Variants in CHRDL2 observed in about 807,000 individuals in gnomAD.
CHRDL2 encodes chordin like 2.
In CHRDL2, 41 loss-of-function variants were observed where a neutral mutation model predicts 54.3. That is an observed-to-expected ratio of 0.76 (90% CI 0.59 to 0.98). The LOEUF is 0.98. CHRDL2 is among the 50% of genes least tolerant of loss of function. The pLI is 0.00. For synonymous variants in CHRDL2, 220 were observed against 224.3 expected (o/e 0.98, Z 0.17); for missense variants, 518 against 562.4 (o/e 0.92, Z 0.80).
At position 74,710,915 on chromosome 11, in the gene CHRDL2, C is replaced by T. The variant is rs1359897624; in HGVS notation, c.366G>A (p.Glu122=). 1 of 1,614,172 alleles carries T rather than the reference C, an allele frequency of 6.2e-7. No homozygotes were observed. Among genetic ancestry groups the T allele is most frequent in the Admixed American group, 1.7e-5 (1 of 60,024 alleles). ...QHNGTMYQHG[E]IFSAHELFPS... is the part of the protein sequence containing the mutation. Reference sequence around the variant, plus strand: ...GGAACAGCTCATGGGCACTGAAGATCTCTCCGTGTTGGTACATGGTCCCGT... The same window carrying T: ...GGAACAGCTCATGGGCACTGAAGATTTCTCCGTGTTGGTACATGGTCCCGT... Residue 122 remains glutamate, a synonymous_variant, in exon 4 of 11, where the codon GAG becomes GAA. Transcript: ENST00000376332.
Position 74,708,370 on chromosome 11 carries a change from G to A in CHRDL2, c.458C>T (p.Thr153Ile). 3 of 1,588,220 alleles carry A rather than the reference G, an allele frequency of 1.9e-6. No individual in the cohort carries two copies. The highest frequency in any genetic ancestry group is 2.6e-6 in the Non-Finnish European group (3 of 1,169,892). ...CTEGQIYCGL[T>I]TCPEPGCPAP... is the part of the protein sequence containing the mutation. Reference sequence around the variant, plus strand: ...TGGGCAGCCTGGTTCGGGGCAGGTTGTGAGGCCGCAGTAGATCTGGCCCTC... The same window carrying A: ...TGGGCAGCCTGGTTCGGGGCAGGTTATGAGGCCGCAGTAGATCTGGCCCTC... Residue 153 changes from threonine to isoleucine, a missense_variant, in exon 5 of 11, where the codon ACA becomes ATA. By Grantham distance (89) the Thr-to-Ile change is moderately conservative. Coordinates refer to ENST00000376332, the MANE Select transcript of CHRDL2 (RefSeq NM_001278473.3).
At chr11:74,701,658 G>A in intron 9 of CHRDL2, 1 of 712,698 alleles carries the variant, frequency 1.4e-6, no homozygotes, top group Non-Finnish European at 2.6e-6. Flanking sequence ...TGTAAAATGG[G>A]GATAATAATA....
intron 9 of CHRDL2, chr11:74,698,717 A>AC (rs1253248777): frequency 2.2e-5 from 3 of 133,598 alleles, no homozygotes; most frequent in Non-Finnish European, 3.4e-5. Flanking sequence ...ACACACACAC[A>AC]CACACCCCAC....
chr11:74,715,039 A>G (rs1324573107), intron 2 of CHRDL2, among the ~76,000 whole-genome samples: 1 of 152,178 alleles, frequency 6.6e-6, no homozygotes, highest in Admixed American at 6.5e-5. Flanking sequence ...TAGATACTAT[A>G]CTATTAGTCA....
At chr11:74,726,313 C>T (rs890965073) in intron 1 of CHRDL2, among the ~76,000 whole-genome samples, 2 of 152,198 alleles carry the variant, frequency 1.3e-5, no homozygotes, top group Admixed American at 1.3e-4. Flanking sequence ...AGAGAGAGAT[C>T]AGGACTTGAC....
intron 2 of CHRDL2, among the ~76,000 whole-genome samples, 157 bp from the exon 3 acceptor site, chr11:74,713,636 A>T (rs1173154233): frequency 1.3e-5 from 2 of 152,116 alleles, no homozygotes; most frequent in African/African-American, 4.8e-5. Context: ...GTTCCTCCCC[A>T]TTCCTGCCCA....
intron 1 of CHRDL2, chr11:74,719,416 ACACACACG>A (rs901237094): frequency 7.1e-6 from 1 of 141,772 alleles, no homozygotes; most frequent in Non-Finnish European, 1.5e-5. Context: ...ACACACACAC[ACACACACG>A]TGTACACATT....
intron 1 of CHRDL2, among the ~76,000 whole-genome samples, chr11:74,726,828 C>T (rs1422931114): frequency 6.6e-6 from 1 of 152,200 alleles, no homozygotes; most frequent in East Asian, 1.9e-4. Flanking sequence ...AGCCGGACTT[C>T]AGGCCTTCAC....
intron 2 of CHRDL2, among the ~76,000 whole-genome samples, chr11:74,715,575 C>G (rs1163285626): frequency 6.6e-6 from 1 of 150,696 alleles, no homozygotes; most frequent in African/African-American, 2.4e-5. Flanking sequence ...GGCACTCCAG[C>G]CTGGGCGACA....
intron 2 of CHRDL2, among the ~76,000 whole-genome samples, chr11:74,715,429 C>T (rs1219545119): frequency 1.3e-5 from 2 of 151,024 alleles, no homozygotes; most frequent in African/African-American, 2.4e-5. Flanking sequence ...CATGGCAAAA[C>T]CCCGTCTCTA....
chr11:74,716,636 C>G (rs749805069), intron 2 of CHRDL2, among the ~76,000 whole-genome samples: 1 of 150,224 alleles, frequency 6.7e-6, no homozygotes, highest in Non-Finnish European at 1.5e-5. Context: ...ACTTTAGGTC[C>G]AATGAAAAGC....
chr11:74,701,563 A>G (rs549565926), intron 9 of CHRDL2: 7 of 715,974 alleles, frequency 9.8e-6, no homozygotes, highest in South Asian at 8.9e-5. Flanking sequence ...GCCACAAGAC[A>G]TGGGCTCTAG....
At chr11:74,727,575 CTTTAT>C (rs2034591465) in intron 1 of CHRDL2, among the ~76,000 whole-genome samples, 1 of 151,986 alleles carries the variant, frequency 6.6e-6, no homozygotes, top group African/African-American at 2.4e-5. Context: ...AGGCTAATTT[CTTTAT>C]TTTTTCTAGA....
Position 74,696,560 on chromosome 11 carries a change from C to G in CHRDL2, c.1239G>C (p.Gln413His). 6.2e-7 allele frequency: 1 copy of G among 1,614,036 alleles called. No homozygotes were observed. The highest frequency in any genetic ancestry group is 8.5e-7 in the Non-Finnish European group (1 of 1,180,002). The change falls in exon 11 of 11, where the codon CAG becomes CAC. Residue 413 changes from glutamine (Q) to histidine (H), a missense_variant. Gln to His is a conservative substitution (Grantham distance 24). Coordinates refer to ENST00000376332, the MANE Select transcript of CHRDL2 (RefSeq NM_001278473.3). ...HEGHWNVFLAQTLELKVTASP... is the reference protein window; with the variant it reads ...HEGHWNVFLAHTLELKVTASP... ...TGGCCGTGACCTTCAGCTCCAGGGTCTGGGCTAGGAAGACGTTCCAGTGAC... is the reference window on the plus strand; with the variant it reads ...TGGCCGTGACCTTCAGCTCCAGGGTGTGGGCTAGGAAGACGTTCCAGTGAC...
intron 1 of CHRDL2, among the ~76,000 whole-genome samples, chr11:74,723,219 A>G (rs1480114315): frequency 6.6e-6 from 1 of 152,194 alleles, no homozygotes; most frequent in Non-Finnish European, 1.5e-5. Context: ...TGGGTGGAGA[A>G]GGCAAAGGAG....
chr11:74,725,660 C>T (rs2034562153), intron 1 of CHRDL2, among the ~76,000 whole-genome samples: 1 of 152,086 alleles, frequency 6.6e-6, no homozygotes. Flanking sequence ...AGAATTCTTC[C>T]CCAATAGGAA....
rs776337781 is a variant in CHRDL2 at position 74,708,404 on chromosome 11, T to C, written c.433-9A>G. 3.2e-5 allele frequency: 50 copies of C among 1,559,428 alleles called. No individual in the cohort carries two copies. The highest frequency in any genetic ancestry group is 3.9e-5 in the Non-Finnish European group (45 of 1,155,248). ...CAGTAGATCTGGCCCTCCTGACAGA[T>C]AGAGCAAACCAGCTGGGAAATGAGC... On this transcript the variant is annotated splice_polypyrimidine_tract_variant and intron_variant, in intron 4 of 10. Coordinates refer to ENST00000376332, the MANE Select transcript of CHRDL2 (RefSeq NM_001278473.3).
chr11:74,697,484 T>C, intron 9 of CHRDL2, 187 bp from the exon 10 acceptor site: 1 of 599,942 alleles, frequency 1.7e-6, no homozygotes, highest in South Asian at 1.9e-5. Context: ...TCTCTGCCAC[T>C]ATCCTCACTC....
At chr11:74,709,258 G>A (rs542576187) in intron 4 of CHRDL2, among the ~76,000 whole-genome samples, 22 of 152,208 alleles carry the variant, frequency 1.4e-4, no homozygotes, top group South Asian at 6.2e-4. Context: ...TCTGTCTCTC[G>A]CCACAGCCCC....
Sources: gnomAD v4.1 joint callset for allele counts (sites outside exome capture counted in the v4.1 genomes callset) on GRCh38, gnomAD v4.1.1 for gene constraint, MANE v1.5 for transcripts, NCBI Gene and HGNC (gene_info 2026-07-23, HGNC 2026-07-21) for gene names.